Variants in GPHN observed in about 807,000 individuals in gnomAD.
GPHN encodes gephyrin.
A neutral mutation model predicts 95.5 loss-of-function variants in GPHN; 17 were observed. The observed-to-expected ratio is 0.18, with a 90% CI of 0.12 to 0.27. The LOEUF is 0.27. Ranked by LOEUF, GPHN falls within the 10% of genes least tolerant of loss-of-function variation. GPHN has a pLI of 1.00. For synonymous variants in GPHN, 320 were observed against 322.5 expected, an observed-to-expected ratio of 0.99 and a Z score of 0.08; for missense variants, 660 against 978.1, an observed-to-expected ratio of 0.67 and a Z score of 4.34.
the GPHN span, chr14:67,569,852 C>T: frequency 1.0e-6 from 1 of 987,790 alleles, no homozygotes; most frequent in Non-Finnish European, 1.6e-6. Flanking sequence ...CTGCCCAGTT[C>T]TCTGCTTCCC....
At chr14:67,239,873 A>G in the GPHN span, among the ~76,000 whole-genome samples, 1 of 152,154 alleles carries the variant, frequency 6.6e-6, no homozygotes, top group Non-Finnish European at 1.5e-5. Flanking sequence ...AACAAAAACA[A>G]AAGAACTTAG....
At chr14:67,574,223 C>A in the GPHN span, 1 of 1,573,504 alleles carries the variant, frequency 6.4e-7, no homozygotes, top group African/African-American at 1.4e-5. The surrounding 1 kb of genome is among the most constrained non-coding windows in gnomAD (Gnocchi z 4.2). Context: ...GCCCCACCCC[C>A]ATATCTCGCC....
chr14:66,901,797 C>T (rs1399194200), intron 5 of GPHN, among the ~76,000 whole-genome samples: 2 of 151,972 alleles, frequency 1.3e-5, no homozygotes, highest in Non-Finnish European at 2.9e-5. Context: ...ATTTTGGAGT[C>T]AGGTCATGTG....
the GPHN span, chr14:67,312,463 T>A: frequency 4.3e-4 from 495 of 1,162,902 alleles, 2 homozygotes; most frequent in African/African-American, 7.1e-3. Context: ...AGCATTTAAA[T>A]TGTATTCATA....
At chr14:67,730,752 C>T in the GPHN span, among the ~76,000 whole-genome samples, 6 of 151,726 alleles carry the variant, frequency 4.0e-5, no homozygotes, top group Admixed American at 6.6e-5. Flanking sequence ...TACAGGTGCC[C>T]GCCACCACAC....
chr14:67,161,758 A>C (rs543774331), intron 19 of GPHN, among the ~76,000 whole-genome samples: 81 of 152,348 alleles, frequency 5.3e-4, no homozygotes, highest in African/African-American at 1.8e-3. Flanking sequence ...GCCTCAAAAA[A>C]AAAAATTAAT....
chr14:67,043,475 T>C (rs2074826742), intron 10 of GPHN, among the ~76,000 whole-genome samples: 1 of 152,214 alleles, frequency 6.6e-6, no homozygotes, highest in Non-Finnish European at 1.5e-5. Flanking sequence ...CTTTTCTGCA[T>C]CTATTAAGAT....
intron 1 of GPHN, among the ~76,000 whole-genome samples, chr14:66,670,661 G>A (rs118044396): frequency 0.013 from 2,033 of 152,248 alleles, 21 homozygotes; most frequent in Middle Eastern, 0.02. Context: ...GCATGGTGGC[G>A]AACGCCTGTG....
At chr14:66,721,787 T>C (rs2070762393) in intron 2 of GPHN, among the ~76,000 whole-genome samples, 1 of 151,582 alleles carries the variant, frequency 6.6e-6, no homozygotes, top group Admixed American at 6.6e-5. Context: ...CTCGTTTCTA[T>C]CAAAAATACA....
the GPHN span, among the ~76,000 whole-genome samples, chr14:67,323,232 C>CATGTGTGTGTGTGTGTGTGTGT: frequency 4.2e-5 from 6 of 143,588 alleles, no homozygotes; most frequent in African/African-American, 1.6e-4. Flanking sequence ...CATATATACA[C>CATGTGTGTGTGTGTGTGTGTGT]GTGTGTGTGT....
chr14:66,942,373 G>A (rs2067476492), intron 8 of GPHN, among the ~76,000 whole-genome samples: 1 of 152,110 alleles, frequency 6.6e-6, no homozygotes, highest in East Asian at 1.9e-4. Context: ...TATGAGTCCT[G>A]TACGTTTTTC....
chr14:66,805,216 C>G (rs1380136626), intron 3 of GPHN, among the ~76,000 whole-genome samples: 1 of 152,122 alleles, frequency 6.6e-6, no homozygotes, highest in African/African-American at 2.4e-5. Context: ...ACTCCCCTTT[C>G]TAAAACCATC....
At chr14:67,002,693 A>G (rs1376196101) in intron 9 of GPHN, among the ~76,000 whole-genome samples, 1 of 151,366 alleles carries the variant, frequency 6.6e-6, no homozygotes, top group African/African-American at 2.4e-5. Context: ...GAATGATACC[A>G]CCTTTTGGGG....
At chr14:66,769,324 T>C (rs940245220) in intron 2 of GPHN, among the ~76,000 whole-genome samples, 1 of 152,092 alleles carries the variant, frequency 6.6e-6, no homozygotes, top group African/African-American at 2.4e-5. Context: ...TATGTTACCT[T>C]TTTTAACTTT....
the GPHN span, among the ~76,000 whole-genome samples, chr14:67,457,666 C>T: frequency 9.9e-5 from 15 of 152,188 alleles, no homozygotes; most frequent in African/African-American, 3.4e-4. Flanking sequence ...GGAAAGCAGC[C>T]GGTTGTCACG....
At chr14:66,652,447 T>C (rs2065091728) in intron 1 of GPHN, among the ~76,000 whole-genome samples, 1 of 151,930 alleles carries the variant, frequency 6.6e-6, no homozygotes, top group Non-Finnish European at 1.5e-5. Flanking sequence ...ACCTACCACA[T>C]GTTCAGAATC....
chr14:67,390,631 G>A, the GPHN span: 1 of 1,473,962 alleles, frequency 6.8e-7, no homozygotes, highest in South Asian at 1.1e-5. Context: ...ATCACAACAT[G>A]GGACCAACAT....
chr14:67,604,262 A>C, the GPHN span, among the ~76,000 whole-genome samples: 4 of 152,282 alleles, frequency 2.6e-5, no homozygotes, highest in Non-Finnish European at 5.9e-5. Context: ...TCCTCCAAGC[A>C]GTAAAACAGT....
intron 9 of GPHN, among the ~76,000 whole-genome samples, chr14:67,016,590 C>G (rs1049465280): frequency 1.3e-5 from 2 of 152,096 alleles, no homozygotes; most frequent in Non-Finnish European, 2.9e-5. Flanking sequence ...ACAAGATTCT[C>G]TCAAGGGACC....
Sources: gnomAD v4.1 joint callset for allele counts (sites outside exome capture counted in the v4.1 genomes callset) on GRCh38, gnomAD v4.1.1 for gene constraint, Gnocchi (gnomAD v3.1) non-coding constraint, MANE v1.5 for transcripts, NCBI Gene and HGNC (gene_info 2026-07-23, HGNC 2026-07-21) for gene names.